Variants in MTR observed in about 807,000 individuals in gnomAD.
MTR encodes the protein methionine synthase.
In MTR, 84 loss-of-function variants were observed where a neutral mutation model predicts 154.8. The observed-to-expected ratio is 0.54, with a 90% CI of 0.45 to 0.65. The LOEUF (loss-of-function observed/expected upper bound fraction) is 0.65. MTR is among the 30% of genes least tolerant of loss of function. MTR has a pLI of 0.00. For missense variants in MTR, 1,275 were observed against 1,570.2 expected (o/e 0.81, Z 3.18); for synonymous variants, 554 against 553.9 (o/e 1.00, Z 0.00).
chr1:236,897,783 T>C lies in MTR; in HGVS notation c.*139T>C, dbSNP rs1666748848. ...CTGCTTCTGGTTTTCGAAGACTATT[T>C]AGTGGAACCTTGTAGAGGAGCAGGG... On this transcript the variant is annotated 3_prime_UTR_variant, in exon 33 of 33. Coordinates refer to ENST00000366577, the MANE Select transcript of MTR (RefSeq NM_000254.3). 1 of 752,020 alleles carries C rather than the reference T, an allele frequency of 1.3e-6. No individual in the cohort carries two copies. The highest frequency in any genetic ancestry group is 2.2e-6 in the Non-Finnish European group (1 of 445,504). 46.6% of individuals were successfully genotyped at this position (752,020 alleles called of 1,614,324 possible). A position where few individuals can be genotyped will look rare whatever the true frequency, so the allele number is the denominator to read the frequency against.
chr1:236,812,940 T>G, intron 6 of MTR, 96 bp downstream of exon 6: 1 of 940,496 alleles, frequency 1.1e-6, no homozygotes, highest in Non-Finnish European at 1.7e-6. Flanking sequence ...TTATCAAAGT[T>G]AAATAAATTA....
chr1:236,821,692 T>C (rs529927935), intron 8 of MTR, among the ~76,000 whole-genome samples: 7 of 152,246 alleles, frequency 4.6e-5, no homozygotes, highest in Non-Finnish European at 1.0e-4. Context: ...TTAATCGTTT[T>C]GCAATTTATA....
intron 6 of MTR, among the ~76,000 whole-genome samples, chr1:236,814,581 G>C (rs956020187): frequency 1.3e-5 from 2 of 152,106 alleles, no homozygotes; most frequent in African/African-American, 4.8e-5. Flanking sequence ...TAAACATCCT[G>C]TTATTTCACA....
At chr1:236,813,662 A>G (rs1043694109) in intron 6 of MTR, among the ~76,000 whole-genome samples, 6 of 152,232 alleles carry the variant, frequency 3.9e-5, no homozygotes, top group Middle Eastern at 6.8e-3. Context: ...AGAGCCATTT[A>G]TATTTCATTT....
intron 16 of MTR, among the ~76,000 whole-genome samples, chr1:236,850,935 G>C (rs1235691669): frequency 6.6e-6 from 1 of 152,068 alleles, no homozygotes; most frequent in African/African-American, 2.4e-5. Flanking sequence ...CATAGCTAGC[G>C]CCCCCGTCTG....
At chr1:236,818,453 T>C (rs1661728987) in intron 8 of MTR, among the ~76,000 whole-genome samples, 1 of 152,196 alleles carries the variant, frequency 6.6e-6, no homozygotes, top group South Asian at 2.1e-4. Context: ...AGCCCCAAGA[T>C]GAGGTTTTAT....
At chr1:236,823,495 A>T (rs1662094514) in intron 8 of MTR, among the ~76,000 whole-genome samples, 1 of 152,212 alleles carries the variant, frequency 6.6e-6, no homozygotes, top group Non-Finnish European at 1.5e-5. Flanking sequence ...CTATTCAAGG[A>T]TCCAGTCTAG....
rs377223797 is a variant in MTR at position 236,805,619 on chromosome 1, G to T, written c.250-525G>T. 4.1e-4 allele frequency among the ~76,000 whole-genome samples: 62 copies of T among 151,984 alleles called. 1 individual carries two copies. Among genetic ancestry groups the T allele is most frequent in the African/African-American group, 1.4e-3 (58 of 41,420 alleles). On this transcript the variant is annotated intron_variant, in intron 2 of 32. Coordinates refer to ENST00000366577, the MANE Select transcript of MTR (RefSeq NM_000254.3). ...AGCAGTCCTCCTGCCTTAGCCTTCC[G>T]AGTAGCTGGGACTACGGGCATGTGC...
intron 22 of MTR, among the ~76,000 whole-genome samples, chr1:236,871,214 G>A (rs527722100): frequency 2.6e-5 from 4 of 152,256 alleles, no homozygotes; most frequent in Admixed American, 6.5e-5. Flanking sequence ...CACAGTCTCT[G>A]GAAAATGGAG....
rs541637090 is a variant in MTR, at chr1:236,892,249, A to G, written c.3204+920A>G. On this transcript the variant is annotated intron_variant, in intron 29 of 32. Coordinates refer to ENST00000366577, the MANE Select transcript of MTR (RefSeq NM_000254.3). ...CACTTTGAGAGGCCAAGGTGGGAGG[A>G]TTGCTTGAGCCTAGGAGTTTGAGAC... 2.0e-5 allele frequency among the ~76,000 whole-genome samples: 3 copies of G among 152,206 alleles called. No individual in the cohort carries two copies. The East Asian group carries it at 5.8e-4, about 29-fold the overall frequency.
chr1:236,873,588 C>T (rs1332892082), intron 22 of MTR, among the ~76,000 whole-genome samples, 185 bp from the exon 23 acceptor site: 3 of 152,118 alleles, frequency 2.0e-5, no homozygotes, highest in African/African-American at 2.4e-5. Flanking sequence ...TAGTGCCTGG[C>T]GTATATGTAG....
chr1:236,880,727 A>G (rs201262500), intron 24 of MTR, 28 bp from the exon 25 acceptor site: 548 of 1,571,740 alleles, frequency 3.5e-4, no homozygotes, highest in Non-Finnish European at 4.5e-4. Flanking sequence ...GCTGATGGAT[A>G]TATTTTCTTT....
At chr1:236,832,290 A>G (rs1164496191) in intron 13 of MTR, among the ~76,000 whole-genome samples, 1 of 152,234 alleles carries the variant, frequency 6.6e-6, no homozygotes, top group African/African-American at 2.4e-5. Context: ...GTTAAAAAGT[A>G]CTGCATTTGG....
At chr1:236,871,779 A>G (rs1665148504) in intron 22 of MTR, among the ~76,000 whole-genome samples, 2 of 152,136 alleles carry the variant, frequency 1.3e-5, no homozygotes, top group Non-Finnish European at 2.9e-5. Context: ...AGCTGAATAT[A>G]CTTACCATTG....
At chr1:236,887,638 C>CT (rs1666089589) in intron 27 of MTR, among the ~76,000 whole-genome samples, 1 of 152,320 alleles carries the variant, frequency 6.6e-6, no homozygotes, top group Admixed American at 6.5e-5. Flanking sequence ...GGTTGGGATG[C>CT]TTTTTTAGTG....
chr1:236,894,656 G>GTT, intron 30 of MTR, 99 bp downstream of exon 30: 2 of 1,095,042 alleles, frequency 1.8e-6, no homozygotes, highest in Non-Finnish European at 1.3e-6. Context: ...TAGAACCAGT[G>GTT]TCTTTTTTTT....
chr1:236,840,576 T>G (rs952315104), intron 15 of MTR, among the ~76,000 whole-genome samples: 9 of 152,214 alleles, frequency 5.9e-5, no homozygotes, highest in Admixed American at 5.9e-4. Context: ...GGAAGCCACA[T>G]GGCCACGTGG....
At chr1:236,852,130 A>G (rs767161137) in intron 16 of MTR, among the ~76,000 whole-genome samples, 11 of 152,156 alleles carry the variant, frequency 7.2e-5, no homozygotes, top group Non-Finnish European at 1.3e-4. Flanking sequence ...TGGAACTTCA[A>G]TTTCCTTTTG....
At chr1:236,838,338 A>AT in intron 14 of MTR, 76 bp from the exon 15 acceptor site, 1 of 1,421,834 alleles carries the variant, frequency 7.0e-7, no homozygotes, top group Admixed American at 1.7e-5. Flanking sequence ...GAAATAGGGA[A>AT]TACTTTGGAG....
Sources: allele counts gnomAD v4.1 joint callset (sites outside exome capture counted in the v4.1 genomes callset), GRCh38; gene constraint gnomAD v4.1.1; transcripts MANE v1.5; gene names NCBI Gene and HGNC (gene_info 2026-07-23, HGNC 2026-07-21).